The following FOXK1 variants were observed in gnomAD, a reference collection of about 807,000 sequenced individuals.
FOXK1 encodes forkhead box K1, also known as forkhead box protein K1.
A neutral mutation model predicts 51.9 loss-of-function variants in FOXK1; 19 were observed. That is an observed-to-expected ratio of 0.37 (90% confidence interval 0.26 to 0.54). FOXK1 has a LOEUF of 0.54. Among genes scored for constraint, FOXK1 ranks in the 20% least tolerant of loss-of-function variants. The pLI, the probability that FOXK1 is intolerant of heterozygous loss-of-function variation, is 0.87. For synonymous variants in FOXK1, 537 were observed against 482.6 expected, an observed-to-expected ratio of 1.11 and a Z score of -1.48; for missense variants, 870 against 1,032.7, an observed-to-expected ratio of 0.84 and a Z score of 2.16.
At chr7:4,744,195 G>A (rs1280712166) in intron 2 of FOXK1, among the ~76,000 whole-genome samples, 3 of 152,176 alleles carry the variant, frequency 2.0e-5, no homozygotes, top group African/African-American at 7.2e-5. Flanking sequence ...TACAAGAGAG[G>A]TTGTGGTTTG....
chr7:4,760,505 T>TA (rs1780917275), intron 7 of FOXK1, among the ~76,000 whole-genome samples: 1 of 152,224 alleles, frequency 6.6e-6, no homozygotes, highest in Non-Finnish European at 1.5e-5. Context: ...TTCCAAGTAA[T>TA]ACGTTTTCTT....
rs1780423641 is a variant in FOXK1 at position 4,729,535 on chromosome 7, C to G, written c.561-11303C>G. Among the ~76,000 whole-genome samples, 1 of 152,150 alleles carries G rather than the reference C, an allele frequency of 6.6e-6. No homozygotes were observed. Among genetic ancestry groups the G allele is most frequent in the African/African-American group, 2.4e-5 (1 of 41,456 alleles). On this transcript the variant is annotated intron_variant, in intron 1 of 8. Coordinates refer to ENST00000328914, the MANE Select transcript of FOXK1 (RefSeq NM_001037165.2). This position sits in a 1 kb window ranked among gnomAD's most constrained non-coding sequence, Gnocchi z 6.2. ...ATGGGGTGCTCAGGACTGCCGGGCCCCGGGAGCCCCACCCGGCAGGACACA... is the reference window on the plus strand; with the variant it reads ...ATGGGGTGCTCAGGACTGCCGGGCCGCGGGAGCCCCACCCGGCAGGACACA...
rs186991700 is a variant in FOXK1, at chr7:4,765,161, G to T, written c.*2697G>T. On this transcript the variant is annotated 3_prime_UTR_variant, in exon 9 of 9. Coordinates refer to ENST00000328914, the MANE Select transcript of FOXK1 (RefSeq NM_001037165.2). The stretch of plus-strand genomic sequence containing the variant: ...GCAAGGAGAGGAGGCCTGGGTCCTG[G>T]ATCCACTGCTCTGGGCTCATAACCA... The T allele has an allele frequency of 5.5e-4, 85 of 153,454 alleles. No homozygotes were observed. The highest frequency in any genetic ancestry group is 1.0e-3 in the Non-Finnish European group (69 of 68,824). The allele number at this position is 153,454 out of a possible 1,614,324, so 9.5% of individuals were successfully genotyped here. A position where few individuals can be genotyped will look rare whatever the true frequency, so the allele number is the denominator to read the frequency against.
Position 4,759,113 on chromosome 7 carries a change from C to G in FOXK1, c.1307C>G (p.Thr436Ser). The part of the protein sequence containing the change: ...LMSPRSGGLQ[T>S]PECLSREGSP... ...TCCCCTCGCTCCGGCGGCCTGCAGA[C>G]CCCAGAGTGCCTGTCTCGGGAGGGC... is the stretch of plus-strand genomic sequence containing the variant. Residue 436 changes from threonine (T) to serine (S), a missense_variant, in exon 6 of 9, where the codon ACC becomes AGC. Physicochemically the swap from Thr to Ser is moderately conservative, Grantham distance 58. Around this residue, in one of 3 missense-constraint regions of FOXK1, gnomAD observed 457 missense variants for 510.8 expected, o/e 0.89. Coordinates refer to ENST00000328914, the MANE Select transcript of FOXK1 (RefSeq NM_001037165.2). 6.2e-7 allele frequency: 1 copy of G among 1,611,900 alleles called. No homozygotes were observed.
Position 4,748,363 on chromosome 7 carries a change from A to G in FOXK1, c.747-6096A>G, listed in dbSNP as rs1269247659. On this transcript the variant is annotated intron_variant, in intron 2 of 8. Transcript: ENST00000328914. This position sits in a 1 kb window ranked among gnomAD's most constrained non-coding sequence, Gnocchi z 4.9. ...CCCCTCCCCATCCCAGTAAAGTTAC[A>G]TCATCATGTCTGGTTTACCTTGCAT... Among the ~76,000 whole-genome samples the G allele has an allele frequency of 6.6e-6, 1 of 152,194 alleles. No individual in the cohort carries two copies. Among genetic ancestry groups the G allele is most frequent in the Non-Finnish European group, 1.5e-5 (1 of 68,034 alleles).
intron 1 of FOXK1, among the ~76,000 whole-genome samples, chr7:4,689,476 G>A (rs949212295): frequency 2.0e-5 from 3 of 152,126 alleles, no homozygotes; most frequent in African/African-American, 4.8e-5. Context: ...AAAAACATCC[G>A]GAGATCCTTT....
Position 4,715,609 on chromosome 7 carries a change from G to A in FOXK1, c.561-25229G>A, listed in dbSNP as rs1395312895. ...ATATTTTGAAATGCTCTGGTGTTGTGAAATACGGAACTTGGCGAGTTCTTG... is the reference window on the plus strand; with the variant it reads ...ATATTTTGAAATGCTCTGGTGTTGTAAAATACGGAACTTGGCGAGTTCTTG... On this transcript the variant is annotated intron_variant, in intron 1 of 8. Transcript: ENST00000328914. This position sits in a 1 kb window ranked among gnomAD's most constrained non-coding sequence, Gnocchi z 4.5. Among the ~76,000 whole-genome samples, 1 of 152,218 alleles carries A rather than the reference G, an allele frequency of 6.6e-6. No individual in the cohort carries two copies. The highest frequency in any genetic ancestry group is 2.4e-5 in the African/African-American group (1 of 41,466).
chr7:4,701,990 G>A (rs1285601720), intron 1 of FOXK1, among the ~76,000 whole-genome samples: 2 of 152,124 alleles, frequency 1.3e-5, no homozygotes, highest in African/African-American at 2.4e-5. Flanking sequence ...TGAGAAGATC[G>A]CCTGAGCCTG....
chr7:4,685,114 A>G (rs1278225481), intron 1 of FOXK1, among the ~76,000 whole-genome samples: 1 of 151,972 alleles, frequency 6.6e-6, no homozygotes, highest in Non-Finnish European at 1.5e-5. Flanking sequence ...CATGTGAGCA[A>G]TATCTATGTA....
In FOXK1 at chr7:4,740,322, C is replaced by T. The variant is rs542927233; in HGVS notation, c.561-516C>T. 4.3e-3 allele frequency among the ~76,000 whole-genome samples: 652 copies of T among 151,322 alleles called. 6 individuals are homozygous for T. Among genetic ancestry groups the T allele is most frequent in the African/African-American group, 0.015 (620 of 41,206 alleles). On this transcript the variant is annotated intron_variant, in intron 1 of 8. Transcript: ENST00000328914. ...GCGGGCGCCTGTAGTCCCAGCTACT[C>T]GGGAGGCTGAGGCAGGAGAATGGTG...
rs1005779759 is a variant in FOXK1, at chr7:4,722,521, G to A, written c.561-18317G>A. On this transcript the variant is annotated intron_variant, in intron 1 of 8. Transcript: ENST00000328914. This position sits in a 1 kb window ranked among gnomAD's most constrained non-coding sequence, Gnocchi z 5.1. ...CCAGTGGCCTCAGCCCAGTGCCAGC[G>A]TGCTGGGACGGGTACACTCGTGCCT... 1.4e-4 allele frequency among the ~76,000 whole-genome samples: 22 copies of A among 152,320 alleles called. No homozygotes were observed. Among genetic ancestry groups the A allele is most frequent in the African/African-American group, 5.0e-4 (21 of 41,596 alleles).
chr7:4,712,890 A>G (rs1016886943), intron 1 of FOXK1, among the ~76,000 whole-genome samples: 5 of 152,152 alleles, frequency 3.3e-5, no homozygotes, highest in Admixed American at 6.5e-5. Flanking sequence ...GTTTATTTCC[A>G]GTTGACAAGA....
chr7:4,689,878 G>A (rs576611150), intron 1 of FOXK1, among the ~76,000 whole-genome samples: 2 of 152,126 alleles, frequency 1.3e-5, no homozygotes, highest in Non-Finnish European at 2.9e-5. Flanking sequence ...GTGACCCAGC[G>A]CCTGGGTGGG....
chr7:4,759,278 G>A (rs1189261505), intron 6 of FOXK1, 33 bp from the exon 7 acceptor site: 10 of 1,604,028 alleles, frequency 6.2e-6, no homozygotes, highest in Non-Finnish European at 8.5e-6. Context: ...GGGTGCGGGA[G>A]GGGTCACCGT....
chr7:4,705,286 C>G (rs1432686854), intron 1 of FOXK1, among the ~76,000 whole-genome samples: 1 of 152,100 alleles, frequency 6.6e-6, no homozygotes, highest in African/African-American at 2.4e-5. Flanking sequence ...CTCCTGGGCT[C>G]AAGCCATCTT....
rs372507563 is a variant in FOXK1, at chr7:4,754,495, C to T, written c.783C>T (p.Ala261=). Residue 261 remains alanine (A), a synonymous_variant, in exon 3 of 9, where the codon GCC becomes GCT. Transcript: ENST00000328914. ...PNSCPASPRG[A]GSSSYRFVQN... ...CCTGCCCAGCCAGTCCACGCGGTGC[C>T]GGCTCCTCCAGTTACCGCTTTGTGC... 377 of 1,613,088 alleles carry T rather than the reference C, an allele frequency of 2.3e-4. 1 individual carries two copies. The Middle Eastern group carries it at 3.3e-3, about 14-fold the overall frequency.
intron 1 of FOXK1, among the ~76,000 whole-genome samples, chr7:4,714,772 T>A (rs1484810552): frequency 1.3e-5 from 2 of 152,218 alleles, no homozygotes; most frequent in South Asian, 2.1e-4. Flanking sequence ...TTTTGGTTTT[T>A]TTTCCTCTCT....
rs1780863118 is a variant in FOXK1, at chr7:4,757,130, A to G, written c.1187A>G (p.Lys396Arg). The change falls in exon 5 of 9, where the codon AAA becomes AGA. Residue 396 changes from lysine (K) to arginine (R), a missense_variant. Around this residue, in one of 3 missense-constraint regions of FOXK1, gnomAD observed 457 missense variants for 510.8 expected, o/e 0.89. Transcript: ENST00000328914. ...AAGCTCGTGGAACAGGCATTCCGGA[A>G]ACGGAGGCAGAGGGGTGTCTCCTGC... ...EAKLVEQAFR[K>R]RRQRGVSCFR... 6.2e-7 allele frequency: 1 copy of G among 1,613,254 alleles called. No individual in the cohort carries two copies. Among genetic ancestry groups the G allele is most frequent in the Non-Finnish European group, 8.5e-7 (1 of 1,179,904 alleles).
In FOXK1 at chr7:4,743,043, C is replaced by T. The variant is rs1475422757; in HGVS notation, c.746+2020C>T. On this transcript the variant is annotated intron_variant, in intron 2 of 8. Transcript: ENST00000328914. This position sits in a 1 kb window ranked among gnomAD's most constrained non-coding sequence, Gnocchi z 5.3. The stretch of plus-strand genomic sequence containing the variant: ...CTTCAGCCCCCCACCTTCCCGGGCC[C>T]GGTTCCCGTCTGAGTCAGTGCTGTG... Among the ~76,000 whole-genome samples, 2 of 152,176 alleles carry T rather than the reference C, an allele frequency of 1.3e-5. No individual in the cohort carries two copies. Among genetic ancestry groups the T allele is most frequent in the African/African-American group, 4.8e-5 (2 of 41,448 alleles).
Sources: gnomAD v4.1 joint callset for allele counts (sites outside exome capture counted in the v4.1 genomes callset) on GRCh38, gnomAD v4.1.1 for gene constraint, gnomAD v4.1.1 regional missense constraint, Gnocchi (gnomAD v3.1) non-coding constraint, MANE v1.5 for transcripts, NCBI Gene and HGNC (gene_info 2026-07-23, HGNC 2026-07-21) for gene names.